SCARA5: variants seen among roughly 807,000 people sequenced by gnomAD.
SCARA5 encodes the protein scavenger receptor class A member 5.
A neutral mutation model predicts 46.3 loss-of-function variants in SCARA5; 45 were observed. The ratio of observed to expected loss-of-function variants is 0.97; its 90% CI spans 0.76 to 1.24. The LOEUF is 1.24. Ranked by LOEUF, SCARA5 falls within the 50% of genes most tolerant of loss-of-function variation. The pLI, the probability that SCARA5 is intolerant of heterozygous loss-of-function variation, is 0.00. For missense variants in SCARA5, 680 were observed against 689.0 expected (o/e 0.99, Z 0.15); for synonymous variants, 333 against 306.5 (o/e 1.09, Z -0.90).
chr8:27,871,311 G>T lies in SCARA5; in HGVS notation c.*623C>A. On this transcript the variant is annotated 3_prime_UTR_variant, in exon 9 of 9. Transcript: ENST00000354914. ...GTGCCATGGTAGTCATTCAATGTTA[G>T]TTTCATTCCCTTCTCCAAATCTAGC... 2 of 440,734 alleles carry T rather than the reference G, an allele frequency of 4.5e-6. No individual in the cohort carries two copies. The highest frequency in any genetic ancestry group is 6.0e-6 in the Non-Finnish European group (2 of 331,880). The allele number at this position is 440,734 out of a possible 1,614,324, so 27.3% of individuals were successfully genotyped here.
At chr8:27,984,052 A>G (rs1410744067) in intron 2 of SCARA5, among the ~76,000 whole-genome samples, 1 of 152,130 alleles carries the variant, frequency 6.6e-6, no homozygotes, top group Admixed American at 6.5e-5. Flanking sequence ...GACCGGATTC[A>G]GGGTGCTGGC....
chr8:27,872,434 C>T (rs1191090114), intron 8 of SCARA5, among the ~76,000 whole-genome samples: 2 of 152,188 alleles, frequency 1.3e-5, no homozygotes, highest in East Asian at 3.8e-4. Flanking sequence ...GTCAAGGGAA[C>T]ATTTAAACCA....
In SCARA5 at chr8:27,870,075, G is replaced by A. The variant is rs1299621983; in HGVS notation, c.*1859C>T. On this transcript the variant is annotated 3_prime_UTR_variant, in exon 9 of 9. Coordinates refer to ENST00000354914, the MANE Select transcript of SCARA5 (RefSeq NM_173833.6). The stretch of plus-strand genomic sequence containing the variant: ...CTTTTTAACATTGTTTTTATTTGAT[G>A]TAAAACAAGACTTATGTTGTCCCTA... 6.6e-6 allele frequency: 1 copy of A among 152,100 alleles called. No individual in the cohort carries two copies. The highest frequency in any genetic ancestry group is 1.5e-5 in the Non-Finnish European group (1 of 68,028). The allele number at this position is 152,100 out of a possible 1,614,324, so 9.4% of individuals were successfully genotyped here. A position where few individuals can be genotyped will look rare whatever the true frequency, so the allele number is the denominator to read the frequency against.
chr8:27,969,484 T>C (rs1222964708), intron 2 of SCARA5, among the ~76,000 whole-genome samples: 2 of 152,202 alleles, frequency 1.3e-5, no homozygotes, highest in African/African-American at 4.8e-5. Flanking sequence ...GATCCGTGGT[T>C]GCCAGGGATT....
intron 5 of SCARA5, 71 bp downstream of exon 5, chr8:27,909,592 C>T (rs1348292986): frequency 2.7e-6 from 3 of 1,114,318 alleles, no homozygotes; most frequent in Non-Finnish European, 4.0e-6. Context: ...GCATTTATAC[C>T]ATCAAGAAAG....
At chr8:27,946,880 CG>C (rs1432365697) in intron 3 of SCARA5, among the ~76,000 whole-genome samples, 1 of 152,076 alleles carries the variant, frequency 6.6e-6, no homozygotes, top group Admixed American at 6.6e-5. Flanking sequence ...TTAGCAAACT[CG>C]TTGAACTGAG....
intron 2 of SCARA5, among the ~76,000 whole-genome samples, chr8:27,970,531 A>C (rs1363161412): frequency 6.6e-6 from 1 of 152,168 alleles, no homozygotes; most frequent in Non-Finnish European, 1.5e-5. Flanking sequence ...AACTGCCCAA[A>C]ATTTGCATAT....
At chr8:27,981,868 G>T (rs1177473944) in intron 2 of SCARA5, among the ~76,000 whole-genome samples, 1 of 152,216 alleles carries the variant, frequency 6.6e-6, no homozygotes, top group Non-Finnish European at 1.5e-5. Flanking sequence ...AGAGCCTGAT[G>T]CGGCAACCTG....
At chr8:27,946,483 G>A (rs1426367218) in intron 3 of SCARA5, among the ~76,000 whole-genome samples, 2 of 152,214 alleles carry the variant, frequency 1.3e-5, no homozygotes, top group Non-Finnish European at 2.9e-5. Flanking sequence ...ATAGAGAGAG[G>A]ACTCAAAGGA....
At chr8:27,889,942 ATTCT>A (rs1806956173) in intron 7 of SCARA5, among the ~76,000 whole-genome samples, 2 of 152,196 alleles carry the variant, frequency 1.3e-5, no homozygotes, top group Admixed American at 1.3e-4. Context: ...ATCTGTATTA[ATTCT>A]TTATGTATAT....
chr8:27,914,211 A>G (rs1807424528), intron 4 of SCARA5, among the ~76,000 whole-genome samples: 1 of 152,202 alleles, frequency 6.6e-6, no homozygotes, highest in Admixed American at 6.5e-5. Flanking sequence ...ACCTCCTGCC[A>G]TGATTGTGAG....
intron 3 of SCARA5, among the ~76,000 whole-genome samples, chr8:27,924,986 G>C (rs1454104771): frequency 2.0e-5 from 3 of 152,186 alleles, no homozygotes; most frequent in Non-Finnish European, 4.4e-5. Flanking sequence ...CAAAATAAAA[G>C]AGGACACAAA....
In SCARA5 at chr8:27,879,717, C is replaced by A. The variant is rs1226226217; in HGVS notation, c.1203G>T (p.Pro401=). The change falls in exon 8 of 9, where the codon CCG becomes CCT. Residue 401 remains proline, a synonymous_variant. Transcript: ENST00000354914. ...GGTACACTTCCACGCGGCCCTCGTG[C>A]GGACCTGAGCCATTCACCAGGCGGA... ...MMIRLVNGSG[P]HEGRVEVYHD... 2 of 1,613,044 alleles carry A rather than the reference C, an allele frequency of 1.2e-6. No individual in the cohort carries two copies. Among genetic ancestry groups the A allele is most frequent in the South Asian group, 2.2e-5 (2 of 91,082 alleles).
intron 3 of SCARA5, among the ~76,000 whole-genome samples, chr8:27,944,878 A>G (rs1349239901): frequency 1.3e-5 from 2 of 152,046 alleles, no homozygotes; most frequent in African/African-American, 4.8e-5. Context: ...AAAAAAAAAT[A>G]ATTGAGGTCA....
At chr8:27,963,210 A>G (rs1808317268) in intron 3 of SCARA5, among the ~76,000 whole-genome samples, 1 of 152,214 alleles carries the variant, frequency 6.6e-6, no homozygotes, top group Non-Finnish European at 1.5e-5. Flanking sequence ...GCCATAGGTA[A>G]GACTGAGCTC....
chr8:27,924,429 C>T (rs1807649232), intron 3 of SCARA5, among the ~76,000 whole-genome samples: 2 of 152,232 alleles, frequency 1.3e-5, no homozygotes, highest in African/African-American at 2.4e-5. Flanking sequence ...AAGCACACGG[C>T]ATTTGTGGTG....
At chr8:27,905,699 TCTTTTC>T (rs1294476655) in intron 6 of SCARA5, among the ~76,000 whole-genome samples, 4 of 77,578 alleles carry the variant, frequency 5.2e-5, no homozygotes, top group African/African-American at 1.3e-4. Flanking sequence ...AATTTTCTTT[TCTTTTC>T]TTTTTTTTTT....
chr8:27,973,961 G>C (rs1246284490), intron 2 of SCARA5, among the ~76,000 whole-genome samples: 1 of 152,150 alleles, frequency 6.6e-6, no homozygotes, highest in East Asian at 1.9e-4. Context: ...ACCCCAAAGA[G>C]TTTTTGCTAA....
intron 2 of SCARA5, among the ~76,000 whole-genome samples, chr8:27,983,683 G>A (rs763308724): frequency 2.0e-4 from 30 of 152,114 alleles, no homozygotes; most frequent in Non-Finnish European, 3.5e-4. Context: ...TGACCTCTCC[G>A]GTCTCAGTGA....
Sources: allele counts gnomAD v4.1 joint callset (sites outside exome capture counted in the v4.1 genomes callset), GRCh38; gene constraint gnomAD v4.1.1; transcripts MANE v1.5; gene names NCBI Gene and HGNC (gene_info 2026-07-23, HGNC 2026-07-21).